ZFR: variants seen among roughly 807,000 people sequenced by gnomAD.
ZFR encodes the protein zinc finger RNA-binding protein.
ZFR carries 19 observed loss-of-function variants against 130.7 expected under a neutral mutation model. The observed-to-expected ratio is 0.15, with a 90% CI of 0.10 to 0.21. The LOEUF is 0.21. Ranked by LOEUF, ZFR falls within the 10% of genes least tolerant of loss-of-function variation. ZFR has a pLI of 1.00. For missense variants in ZFR, 872 were observed against 1,321.5 expected, an observed-to-expected ratio of 0.66 and a Z score of 5.27; for synonymous variants, 466 against 456.9, an observed-to-expected ratio of 1.02 and a Z score of -0.25.
intron 2 of ZFR, among the ~76,000 whole-genome samples, 168 bp from the exon 3 acceptor site, chr5:32,420,271 C>T (rs1045070359): frequency 1.3e-5 from 2 of 152,044 alleles, no homozygotes; most frequent in Non-Finnish European, 2.9e-5. Context: ...TATTCAATAT[C>T]ATATTTATTA....
intron 4 of ZFR, among the ~76,000 whole-genome samples, chr5:32,415,860 A>G (rs1301668727): frequency 6.6e-6 from 1 of 152,158 alleles, no homozygotes; most frequent in Non-Finnish European, 1.5e-5. Flanking sequence ...ATTAATAATC[A>G]CTTGTAAATG....
rs1177221539 is a variant in ZFR, at chr5:32,354,558, T to TA, written c.*1201dup. The TA allele has an allele frequency of 2.0e-5, 3 of 152,678 alleles. No homozygotes were observed. Among genetic ancestry groups the TA allele is most frequent in the Non-Finnish European group, 4.4e-5 (3 of 68,038 alleles). The allele number at this position is 152,678 out of a possible 1,614,324, so 9.5% of individuals were successfully genotyped here. A position where few individuals can be genotyped will look rare whatever the true frequency, so the allele number is the denominator to read the frequency against. On this transcript the variant is annotated 3_prime_UTR_variant, in exon 20 of 20. Coordinates refer to ENST00000265069, the MANE Select transcript of ZFR (RefSeq NM_016107.5). Reference sequence around the variant, plus strand: ...ATGTAATTTTTCATTACATCACTGCTAGAATATTTAGCTTTGTGTAGGAGA... The same window carrying TA: ...ATGTAATTTTTCATTACATCACTGCTAAGAATATTTAGCTTTGTGTAGGAGA...
At chr5:32,419,376 C>T (rs1753903783) in intron 3 of ZFR, among the ~76,000 whole-genome samples, 1 of 152,058 alleles carries the variant, frequency 6.6e-6, no homozygotes, top group Admixed American at 6.5e-5. Context: ...CTCGCTCTGT[C>T]ACCCAGGCTG....
chr5:32,425,735 AG>A (rs1338103239), intron 2 of ZFR, among the ~76,000 whole-genome samples: 1 of 152,230 alleles, frequency 6.6e-6, no homozygotes, highest in African/African-American at 2.4e-5. Context: ...CATGTTGGCC[AG>A]GCTGGTCTCA....
chr5:32,435,192 T>C (rs1350631265), intron 2 of ZFR, among the ~76,000 whole-genome samples: 3 of 152,182 alleles, frequency 2.0e-5, no homozygotes, highest in Non-Finnish European at 4.4e-5. Flanking sequence ...ATTACAGGCA[T>C]GAACCACAAC....
chr5:32,403,918 A>G lies in ZFR; in HGVS notation c.1212T>C (p.Ala404=). The change falls in exon 7 of 20, where the codon GCT becomes GCC. Residue 404 remains alanine (A), a synonymous_variant. Transcript: ENST00000265069. ...AAAAAACACCTACTTTCTGATGCTT[A>G]GCACCACGAATGTGGGCAGCATACG... The part of the protein sequence containing the change: ...ADAYAAHIRG[A]KHQKVVKLHT... The G allele has an allele frequency of 2.5e-6, 4 of 1,584,476 alleles. No individual in the cohort carries two copies. The highest frequency in any genetic ancestry group is 3.4e-6 in the Non-Finnish European group (4 of 1,165,162).
At chr5:32,421,336 C>A (rs2111827001) in intron 2 of ZFR, among the ~76,000 whole-genome samples, 1 of 152,262 alleles carries the variant, frequency 6.6e-6, no homozygotes, top group Middle Eastern at 3.4e-3. Flanking sequence ...GTTGAAGCTG[C>A]ACTAATTAAC....
intron 2 of ZFR, among the ~76,000 whole-genome samples, chr5:32,425,551 G>A (rs184722190): frequency 2.0e-5 from 3 of 151,962 alleles, no homozygotes; most frequent in African/African-American, 4.8e-5. Context: ...TTTTTGAGTC[G>A]GAGTCTCACT....
intron 2 of ZFR, among the ~76,000 whole-genome samples, chr5:32,425,396 T>G (rs1228330791): frequency 8.0e-6 from 1 of 124,432 alleles, no homozygotes; most frequent in Non-Finnish European, 1.6e-5. Flanking sequence ...ACAGTCTGAA[T>G]GCAAAAGCAA....
intron 2 of ZFR, among the ~76,000 whole-genome samples, chr5:32,426,128 T>C (rs1445817051): frequency 1.3e-5 from 2 of 152,154 alleles, no homozygotes; most frequent in African/African-American, 2.4e-5. Context: ...TAGCAGAAAA[T>C]TGTTTAATCT....
chr5:32,395,729 CTT>C (rs934358046), intron 10 of ZFR, among the ~76,000 whole-genome samples: 59 of 152,218 alleles, frequency 3.9e-4, no homozygotes, highest in African/African-American at 1.4e-3. Context: ...GGATGAAGAC[CTT>C]TATATGATGA....
At chr5:32,367,868 G>GA (rs1199624472) in intron 17 of ZFR, among the ~76,000 whole-genome samples, 65 of 151,524 alleles carry the variant, frequency 4.3e-4, no homozygotes, top group Non-Finnish European at 8.7e-4. Flanking sequence ...ATTCAAGATG[G>GA]AAAAAAAATC....
At chr5:32,395,423 C>A in intron 10 of ZFR, 119 bp from the exon 11 acceptor site, 1 of 707,826 alleles carries the variant, frequency 1.4e-6, no homozygotes, top group Non-Finnish European at 2.0e-6. Flanking sequence ...AAGTTTCCCA[C>A]TAGAGAGTAA....
At chr5:32,442,936 T>TCCA (rs1004796734) in intron 2 of ZFR, among the ~76,000 whole-genome samples, 1 of 151,288 alleles carries the variant, frequency 6.6e-6, no homozygotes, top group African/African-American at 2.4e-5. Flanking sequence ...CCAGGTGTGG[T>TCCA]GGCTCATGCC....
In ZFR at chr5:32,388,589, G is replaced by C; in HGVS notation, c.2228C>G (p.Ala743Gly). Residue 743 changes from alanine (A) to glycine (G), a missense_variant, in exon 13 of 20, where the codon GCA becomes GGA. Physicochemically the swap from Ala to Gly is moderately conservative, Grantham distance 60. Around this residue, in one of 7 missense-constraint regions of ZFR, gnomAD observed 225 missense variants for 282.4 expected, o/e 0.80. Transcript: ENST00000265069. The stretch of plus-strand genomic sequence containing the variant: ...AGTAATAGAAACAATTTTCTGAACT[G>C]CCTGTAACTCCTCTTCAGTTGGATA... ...TIYPTEEELQ[A>G]VQKIVSITER... 6.2e-7 allele frequency: 1 copy of C among 1,614,004 alleles called. No individual in the cohort carries two copies. Among genetic ancestry groups the C allele is most frequent in the Non-Finnish European group, 8.5e-7 (1 of 1,179,940 alleles).
chr5:32,382,345 CAAA>C (rs1016221449), intron 15 of ZFR, among the ~76,000 whole-genome samples: 16 of 151,916 alleles, frequency 1.1e-4, no homozygotes, highest in African/African-American at 3.9e-4. Context: ...CTCACACACA[CAAA>C]AAAGAAAAAG....
chr5:32,426,996 C>G (rs984795879), intron 2 of ZFR, among the ~76,000 whole-genome samples: 2 of 150,846 alleles, frequency 1.3e-5, no homozygotes, highest in African/African-American at 2.4e-5. Context: ...AAACACTCCA[C>G]AAAAAACTGT....
chr5:32,367,381 G>A (rs770178010), intron 17 of ZFR, among the ~76,000 whole-genome samples: 37 of 152,062 alleles, frequency 2.4e-4, no homozygotes, highest in Middle Eastern at 3.4e-3. Context: ...GTTGCGGTGA[G>A]CTGAGATCAC....
At chr5:32,368,980 T>C (rs367694275) in intron 17 of ZFR, among the ~76,000 whole-genome samples, 5 of 152,238 alleles carry the variant, frequency 3.3e-5, no homozygotes, top group Admixed American at 1.3e-4. Flanking sequence ...CAGACTTTGA[T>C]TTGTAAGCCC....
Sources: gnomAD v4.1 joint callset for allele counts (sites outside exome capture counted in the v4.1 genomes callset) on GRCh38, gnomAD v4.1.1 for gene constraint, gnomAD v4.1.1 regional missense constraint, MANE v1.5 for transcripts, NCBI Gene and HGNC (gene_info 2026-07-23, HGNC 2026-07-21) for gene names.